The following MXD1 variants were observed in gnomAD, a reference collection of about 807,000 sequenced individuals.
MXD1 encodes MAX dimerization protein 1.
MXD1 carries 9 observed loss-of-function variants against 25.7 expected under a neutral mutation model. The ratio of observed to expected loss-of-function variants is 0.35; its 90% CI spans 0.21 to 0.61. The LOEUF (loss-of-function observed/expected upper bound fraction) is 0.61. MXD1 is among the 20% of genes least tolerant of loss of function. The probability of loss-of-function intolerance (pLI) is 0.75; values close to 1 mark genes in which losing one functional copy is unlikely to be tolerated. For synonymous variants in MXD1, 99 were observed against 113.9 expected (o/e 0.87, Z 0.83); for missense variants, 227 against 292.4 (o/e 0.78, Z 1.63).
At position 69,938,346 on chromosome 2, in the gene MXD1, T is replaced by C; in HGVS notation, c.*62T>C. 2 of 1,540,828 alleles carry C rather than the reference T, an allele frequency of 1.3e-6. No individual in the cohort carries two copies. The highest frequency in any genetic ancestry group is 2.3e-5 in the East Asian group (1 of 44,170). On this transcript the variant is annotated 3_prime_UTR_variant, in exon 6 of 6. Coordinates refer to ENST00000264444, the MANE Select transcript of MXD1 (RefSeq NM_002357.4). ...CCCTGTTGGTTCTGATTAGGTAACGTATTGGACCTGCCCACAACTCCCTTG... is the reference window on the plus strand; with the variant it reads ...CCCTGTTGGTTCTGATTAGGTAACGCATTGGACCTGCCCACAACTCCCTTG...
intron 5 of MXD1, among the ~76,000 whole-genome samples, chr2:69,937,760 A>G (rs182976571): frequency 3.7e-4 from 57 of 152,298 alleles, no homozygotes; most frequent in Admixed American, 3.7e-3. Context: ...GATTACAGGC[A>G]CACACCACAA....
intron 3 of MXD1, among the ~76,000 whole-genome samples, chr2:69,927,958 T>G (rs947581543): frequency 6.6e-6 from 1 of 152,124 alleles, no homozygotes; most frequent in African/African-American, 2.4e-5. Flanking sequence ...ATTTTTTCCC[T>G]CTTCAAAGTG....
At chr2:69,920,074 G>A (rs371482872) in intron 2 of MXD1, among the ~76,000 whole-genome samples, 2 of 152,070 alleles carry the variant, frequency 1.3e-5, no homozygotes, top group African/African-American at 4.8e-5. Context: ...GCAGTGGCAC[G>A]ATCTCAGCTC....
chr2:69,933,943 T>C (rs1677360116), intron 3 of MXD1, among the ~76,000 whole-genome samples: 1 of 152,222 alleles, frequency 6.6e-6, no homozygotes, highest in African/African-American at 2.4e-5. Context: ...GGGCAATGAA[T>C]GTTATCTAAA....
In MXD1 at chr2:69,938,578, TC is replaced by T. The variant is rs780165995; in HGVS notation, c.*299del. ...ATAAGCAATGTCCACATCTCAGCAA[TC>T]CCCCTCTTTGCTCTCCTCGTGTCCT... is the stretch of plus-strand genomic sequence containing the variant. On this transcript the variant is annotated 3_prime_UTR_variant, in exon 6 of 6. Coordinates refer to ENST00000264444, the MANE Select transcript of MXD1 (RefSeq NM_002357.4). 44 of 296,200 alleles carry T rather than the reference TC, an allele frequency of 1.5e-4. No homozygotes were observed. Among genetic ancestry groups the T allele is most frequent in the Non-Finnish European group, 2.4e-4 (37 of 156,560 alleles). 18.3% of individuals were successfully genotyped at this position (296,200 alleles called of 1,614,324 possible).
chr2:69,933,069 G>A (rs575084018), intron 3 of MXD1, among the ~76,000 whole-genome samples: 1 of 151,638 alleles, frequency 6.6e-6, no homozygotes, highest in Admixed American at 6.6e-5. Context: ...CGTGGTGGCG[G>A]GCGCCTGTAA....
At chr2:69,920,652 C>T (rs1448994814) in intron 2 of MXD1, among the ~76,000 whole-genome samples, 1 of 152,172 alleles carries the variant, frequency 6.6e-6, no homozygotes, top group Non-Finnish European at 1.5e-5. Context: ...CAGTAAGGTG[C>T]TGATTATGGC....
chr2:69,917,132 G>C (rs1248920738), intron 2 of MXD1, among the ~76,000 whole-genome samples: 1 of 152,120 alleles, frequency 6.6e-6, no homozygotes, highest in East Asian at 1.9e-4. Context: ...ATAACTCCTT[G>C]CAAGTATCTA....
Position 69,939,996 on chromosome 2 carries a change from T to C in MXD1, c.*1712T>C, listed in dbSNP as rs1175337020. 6.6e-6 allele frequency: 1 copy of C among 152,158 alleles called. No homozygotes were observed. The highest frequency in any genetic ancestry group is 1.5e-5 in the Non-Finnish European group (1 of 68,020). The allele number at this position is 152,158 out of a possible 1,614,324, so 9.4% of individuals were successfully genotyped here. On this transcript the variant is annotated 3_prime_UTR_variant, in exon 6 of 6. Coordinates refer to ENST00000264444, the MANE Select transcript of MXD1 (RefSeq NM_002357.4). ...GATTACTTTTGTGTTTTTTAAAAAA[T>C]GATTCTTTAATGTATTTTTCTAAAC...
chr2:69,937,069 G>A, intron 4 of MXD1, 166 bp from the exon 5 acceptor site: 1 of 881,900 alleles, frequency 1.1e-6, no homozygotes. Context: ...GAAGCCAGGA[G>A]TCACTGGCCA....
chr2:69,927,920 G>C (rs912794071), intron 3 of MXD1, among the ~76,000 whole-genome samples: 1 of 152,064 alleles, frequency 6.6e-6, no homozygotes, highest in Admixed American at 6.5e-5. Flanking sequence ...TGTTTATAAA[G>C]GGATCATTTT....
intron 2 of MXD1, among the ~76,000 whole-genome samples, chr2:69,921,346 A>G (rs2104166827): frequency 6.6e-6 from 1 of 152,316 alleles, no homozygotes; most frequent in South Asian, 2.1e-4. Context: ...GGAAAACTGC[A>G]GGGGTGGGGT....
chr2:69,915,409 C>T lies in MXD1; in HGVS notation c.73+6C>T. ...TCTGGAGCGGCGGGAGAGAGGTGCACGGGGACGGGGAGGGGTCCACTCGAA... is the reference window on the plus strand; with the variant it reads ...TCTGGAGCGGCGGGAGAGAGGTGCATGGGGACGGGGAGGGGTCCACTCGAA... On this transcript the variant is annotated splice_donor_region_variant and intron_variant, in intron 1 of 5. Coordinates refer to ENST00000264444, the MANE Select transcript of MXD1 (RefSeq NM_002357.4). The surrounding 1 kb of genome is among the most constrained non-coding windows in gnomAD (Gnocchi z 5.8). The T allele has an allele frequency of 2.4e-6, 3 of 1,270,908 alleles. No individual in the cohort carries two copies. Among genetic ancestry groups the T allele is most frequent in the Non-Finnish European group, 3.0e-6 (3 of 998,716 alleles). The allele number at this position is 1,270,908 out of a possible 1,614,324, so 78.7% of individuals were successfully genotyped here. A position where few individuals can be genotyped will look rare whatever the true frequency, so the allele number is the denominator to read the frequency against.
At chr2:69,930,167 G>A (rs1677252701) in intron 3 of MXD1, among the ~76,000 whole-genome samples, 1 of 152,044 alleles carries the variant, frequency 6.6e-6, no homozygotes, top group African/African-American at 2.4e-5. Flanking sequence ...ATTTTCTTGT[G>A]TCTTTCAACA....
At chr2:69,931,315 C>T (rs1677277312) in intron 3 of MXD1, among the ~76,000 whole-genome samples, 1 of 152,044 alleles carries the variant, frequency 6.6e-6, no homozygotes, top group South Asian at 2.1e-4. Context: ...ACCATCCCCA[C>T]CTCCTGCCCA....
intron 4 of MXD1, among the ~76,000 whole-genome samples, chr2:69,935,781 C>T (rs1294717488): frequency 6.6e-6 from 1 of 152,192 alleles, no homozygotes; most frequent in Non-Finnish European, 1.5e-5. Flanking sequence ...GGTCTACTTC[C>T]ATCTTCATCC....
chr2:69,928,967 C>T (rs1677222513), intron 3 of MXD1, among the ~76,000 whole-genome samples: 1 of 152,228 alleles, frequency 6.6e-6, no homozygotes, highest in South Asian at 2.1e-4. Context: ...AATCTTGGCT[C>T]ACTGCAACCT....
intron 3 of MXD1, among the ~76,000 whole-genome samples, chr2:69,933,420 T>C (rs981290827): frequency 1.3e-5 from 2 of 152,130 alleles, no homozygotes; most frequent in Non-Finnish European, 2.9e-5. Flanking sequence ...CCACATGCAG[T>C]AGTGGGAGGA....
Position 69,915,298 on chromosome 2 carries a change from G to C in MXD1, c.-33G>C. ...CGGCAGCGAGCCCGTGGGCAGTGGG[G>C]GTTGGTCCCGTGGCTCCGGCCCCCG... On this transcript the variant is annotated 5_prime_UTR_variant, in exon 1 of 6. Transcript: ENST00000264444. The surrounding 1 kb of genome is among the most constrained non-coding windows in gnomAD (Gnocchi z 5.8). 4.6e-6 allele frequency: 6 copies of C among 1,307,898 alleles called. No individual in the cohort carries two copies. Among genetic ancestry groups the C allele is most frequent in the Non-Finnish European group, 5.9e-6 (6 of 1,019,688 alleles). The allele number at this position is 1,307,898 out of a possible 1,614,324, so 81.0% of individuals were successfully genotyped here. A position where few individuals can be genotyped will look rare whatever the true frequency, so the allele number is the denominator to read the frequency against.
Sources: gnomAD v4.1 joint callset for allele counts (sites outside exome capture counted in the v4.1 genomes callset) on GRCh38, gnomAD v4.1.1 for gene constraint, Gnocchi (gnomAD v3.1) non-coding constraint, MANE v1.5 for transcripts, NCBI Gene and HGNC (gene_info 2026-07-23, HGNC 2026-07-21) for gene names.